FNBP4: variants seen among roughly 807,000 people sequenced by gnomAD.
FNBP4 encodes the protein formin-binding protein 4.
In FNBP4, 34 loss-of-function variants were observed where a neutral mutation model predicts 119.3. The observed-to-expected ratio is 0.28, with a 90% CI of 0.22 to 0.38. The LOEUF is 0.38. FNBP4 is among the 10% of genes least tolerant of loss of function. FNBP4 has a pLI of 1.00. For synonymous variants in FNBP4, 462 were observed against 430.6 expected, an observed-to-expected ratio of 1.07 and a Z score of -0.90; for missense variants, 1,112 against 1,228.9, an observed-to-expected ratio of 0.90 and a Z score of 1.42.
At chr11:47,729,861 C>T (rs932419544) in intron 12 of FNBP4, 6 of 985,240 alleles carry the variant, frequency 6.1e-6, no homozygotes, top group Admixed American at 6.2e-5. Context: ...GATTTTACTT[C>T]GATCAAGTTT....
At chr11:47,760,258 CAT>C (rs1491150285) in intron 2 of FNBP4, among the ~76,000 whole-genome samples, 23 of 133,842 alleles carry the variant, frequency 1.7e-4, no homozygotes, top group African/African-American at 5.9e-4. Flanking sequence ...ATTGATCAAA[CAT>C]TTTTTTTTTT....
At chr11:47,743,162 C>T (rs140592572) in intron 8 of FNBP4, among the ~76,000 whole-genome samples, 1 of 152,040 alleles carries the variant, frequency 6.6e-6, no homozygotes, top group African/African-American at 2.4e-5. Flanking sequence ...TAAGGTTTGG[C>T]GTCCTTATCT....
chr11:47,750,224 C>T (rs2097599272), intron 6 of FNBP4, among the ~76,000 whole-genome samples: 2 of 151,576 alleles, frequency 1.3e-5, no homozygotes, highest in Admixed American at 6.6e-5. Context: ...AATAAAAATA[C>T]AAAAATTAGC....
chr11:47,740,737 C>T (rs1288250141), intron 8 of FNBP4, among the ~76,000 whole-genome samples: 1 of 151,626 alleles, frequency 6.6e-6, no homozygotes, highest in East Asian at 1.9e-4. Context: ...GGATTACAGG[C>T]GAGCACCACC....
chr11:47,730,122 T>C, intron 12 of FNBP4: 2 of 985,458 alleles, frequency 2.0e-6, no homozygotes, highest in Non-Finnish European at 2.4e-6. Flanking sequence ...ATATAAGGGA[T>C]GTTGACAGTG....
chr11:47,726,850 A>G (rs2097561624), intron 12 of FNBP4: 1 of 152,228 alleles, frequency 6.6e-6, no homozygotes, highest in African/African-American at 2.4e-5. Context: ...ACATACAGTA[A>G]GTAAATATAA....
At chr11:47,755,604 T>C (rs574435146) in intron 2 of FNBP4, among the ~76,000 whole-genome samples, 111 of 147,112 alleles carry the variant, frequency 7.5e-4, no homozygotes, top group Middle Eastern at 6.8e-3. Flanking sequence ...GAAAACATAG[T>C]GAGACCTTGT....
At chr11:47,722,558 C>T (rs907244397) in intron 15 of FNBP4, among the ~76,000 whole-genome samples, 4 of 151,768 alleles carry the variant, frequency 2.6e-5, no homozygotes, top group African/African-American at 9.7e-5. Flanking sequence ...TAAATAAGGT[C>T]CCCCCACTGA....
intron 8 of FNBP4, 114 bp downstream of exon 8, chr11:47,743,839 C>G: frequency 2.1e-6 from 2 of 943,550 alleles, no homozygotes; most frequent in Non-Finnish European, 3.2e-6. Context: ...AGCACTTCTC[C>G]CAAAGAGTAA....
chr11:47,719,576 A>G lies in FNBP4; in HGVS notation c.2963+353T>C, dbSNP rs61898015. On this transcript the variant is annotated intron_variant, in intron 16 of 16. Coordinates refer to ENST00000263773, the MANE Select transcript of FNBP4 (RefSeq NM_015308.5). ...AAATAAGTTAATATGTTATGTGTGT[A>G]TGTGTGTGTGTGTGTGTGTGTGTGT... Among the ~76,000 whole-genome samples, 669 of 147,816 alleles carry G rather than the reference A, an allele frequency of 4.5e-3. 7 individuals carry two copies. The highest frequency in any genetic ancestry group is 0.016 in the African/African-American group (619 of 39,816).
chr11:47,732,689 T>G lies in FNBP4; in HGVS notation c.1687-19A>C, dbSNP rs747398819. On this transcript the variant is annotated intron_variant, in intron 10 of 16. Transcript: ENST00000263773. This position sits in a 1 kb window ranked among gnomAD's most constrained non-coding sequence, Gnocchi z 4.2. ...TTCGAGTCTAGAATAAACAGACAAA[T>G]AAGTTAAAGACTTATTATTACATGT... is the stretch of plus-strand genomic sequence containing the variant. 1 of 1,610,704 alleles carries G rather than the reference T, an allele frequency of 6.2e-7. No homozygotes were observed. The highest frequency in any genetic ancestry group is 1.1e-5 in the South Asian group (1 of 91,020).
chr11:47,746,314 T>C lies in FNBP4; in HGVS notation c.987A>G (p.Leu329=), dbSNP rs1293446137. The C allele has an allele frequency of 6.2e-7, 1 of 1,614,156 alleles. No homozygotes were observed. Among genetic ancestry groups the C allele is most frequent in the Admixed American group, 1.7e-5 (1 of 60,020 alleles). Reference sequence around the variant, plus strand: ...CTTCTTCTTTTATTCCCTCAGGCAATAAAGGAGCAAGCAGCGATGCTGCCA... The same window carrying C: ...CTTCTTCTTTTATTCCCTCAGGCAACAAAGGAGCAAGCAGCGATGCTGCCA... ...KGVAASLLAP[L]LPEGIKEEEE... Residue 329 remains leucine (L), a synonymous_variant, in exon 7 of 17, where the codon TTA becomes TTG. Coordinates refer to ENST00000263773, the MANE Select transcript of FNBP4 (RefSeq NM_015308.5).
intron 16 of FNBP4, among the ~76,000 whole-genome samples, chr11:47,718,348 G>A (rs970993129): frequency 6.6e-6 from 1 of 151,998 alleles, no homozygotes; most frequent in Admixed American, 6.6e-5. Flanking sequence ...CAAGTGGCTT[G>A]GACTACAGGC....
At position 47,750,427 on chromosome 11, in the gene FNBP4, C is replaced by T. The variant is rs567857937; in HGVS notation, c.906+489G>A. Among the ~76,000 whole-genome samples the T allele has an allele frequency of 1.6e-4, 22 of 135,276 alleles. No homozygotes were observed. The South Asian group carries it at 3.8e-3, about 23-fold the overall frequency. The allele number at this position is 135,276 out of a possible 152,430, so 88.7% of individuals were successfully genotyped here. A position where few individuals can be genotyped will look rare whatever the true frequency, so the allele number is the denominator to read the frequency against. On this transcript the variant is annotated intron_variant, in intron 6 of 16. Coordinates refer to ENST00000263773, the MANE Select transcript of FNBP4 (RefSeq NM_015308.5). ...AAAAAAGGCCAGATGTGGTGGCTCA[C>T]GCTTGTAATCCCAGCACTCTGGGAG...
rs758501015 is a variant in FNBP4, at chr11:47,734,031, C to A, written c.1680G>T (p.Gln560His). ...AAAAAAAAAAAAGACTTACCTCAGT[C>A]TGTAAGAGCAGCACATGAAAGTTGG... ...SISNFHVLLLQTETRIADWRE... is the reference protein window; with the variant it reads ...SISNFHVLLLHTETRIADWRE... Residue 560 changes from glutamine to histidine, a missense_variant, in exon 10 of 17, where the codon CAG becomes CAT. Physicochemically the swap from Gln to His is conservative, Grantham distance 24. This residue lies in a region of FNBP4 where 826 missense variants were observed against 988.8 expected (regional missense o/e 0.84). Coordinates refer to ENST00000263773, the MANE Select transcript of FNBP4 (RefSeq NM_015308.5). The A allele has an allele frequency of 2.9e-5, 39 of 1,353,174 alleles. No homozygotes were observed. Among genetic ancestry groups the A allele is most frequent in the Non-Finnish European group, 3.9e-5 (38 of 986,956 alleles). The allele number at this position is 1,353,174 out of a possible 1,614,324, so 83.8% of individuals were successfully genotyped here.
chr11:47,765,238 GA>G, intron 2 of FNBP4, 31 bp downstream of exon 2: 1 of 1,475,218 alleles, frequency 6.8e-7, no homozygotes, highest in Non-Finnish European at 9.4e-7. Context: ...AGACGTGGGA[GA>G]AAAAATGTAA....
Position 47,750,952 on chromosome 11 carries a change from T to C in FNBP4, c.870A>G (p.Lys290=), listed in dbSNP as rs1461420924. 2 of 1,614,068 alleles carry C rather than the reference T, an allele frequency of 1.2e-6. No individual in the cohort carries two copies. The highest frequency in any genetic ancestry group is 2.2e-5 in the East Asian group (1 of 44,874). The change falls in exon 6 of 17, where the codon AAA becomes AAG. Residue 290 remains lysine, a synonymous_variant. Transcript: ENST00000263773. ...CTCGCTTGGCTATGACTGGTCCACT[T>C]TTACTACTGGAAACAGAAATCGTTT... is the stretch of plus-strand genomic sequence containing the variant. ...KEKTISVSSS[K]SGPVIAKREV... is the part of the protein sequence containing the mutation.
intron 6 of FNBP4, among the ~76,000 whole-genome samples, chr11:47,746,673 C>A (rs1488153330): frequency 6.6e-6 from 1 of 152,062 alleles, no homozygotes; most frequent in Non-Finnish European, 1.5e-5. Context: ...CGCCACCATG[C>A]CCAGCTAATT....
chr11:47,762,062 T>C (rs150341456), intron 2 of FNBP4, among the ~76,000 whole-genome samples: 1,522 of 151,772 alleles, frequency 0.01, 19 homozygotes, highest in Middle Eastern at 0.021. Flanking sequence ...GGTCTCGAAC[T>C]CCAGACCTCA....
Sources: gnomAD v4.1 joint callset for allele counts (sites outside exome capture counted in the v4.1 genomes callset) on GRCh38, gnomAD v4.1.1 for gene constraint, gnomAD v4.1.1 regional missense constraint, Gnocchi (gnomAD v3.1) non-coding constraint, MANE v1.5 for transcripts, NCBI Gene and HGNC (gene_info 2026-07-23, HGNC 2026-07-21) for gene names.